Variants in KDM7A observed in about 807,000 individuals in gnomAD.
The protein encoded by KDM7A is lysine-specific demethylase 7A.
KDM7A carries 28 observed loss-of-function variants against 114.8 expected under a neutral mutation model. That is an observed-to-expected ratio of 0.24 (90% CI 0.18 to 0.33). KDM7A has a LOEUF of 0.33. KDM7A is among the 10% of genes least tolerant of loss of function. The probability of loss-of-function intolerance (pLI) is 1.00; values close to 1 mark genes in which losing one functional copy is unlikely to be tolerated. For synonymous variants in KDM7A, 423 were observed against 397.8 expected (o/e 1.06, Z -0.75); for missense variants, 942 against 1,142.5 (o/e 0.82, Z 2.53).
chr7:140,142,240 C>G (rs1794291700), intron 1 of KDM7A, among the ~76,000 whole-genome samples: 1 of 150,706 alleles, frequency 6.6e-6, no homozygotes, highest in Non-Finnish European at 1.5e-5. Context: ...CTGTCTTAAT[C>G]AAAACACAAA....
chr7:140,138,215 G>T (rs1370088043), intron 2 of KDM7A, among the ~76,000 whole-genome samples: 1 of 151,992 alleles, frequency 6.6e-6, no homozygotes, highest in East Asian at 1.9e-4. Flanking sequence ...GGTTGAGGCA[G>T]GAGGATCACT....
At chr7:140,094,179 G>T in intron 17 of KDM7A, 41 bp from the exon 18 acceptor site, 1 of 1,194,846 alleles carries the variant, frequency 8.4e-7, no homozygotes, top group Non-Finnish European at 1.3e-6. Context: ...GCACAAACTT[G>T]ATTTGAAATG....
intron 12 of KDM7A, among the ~76,000 whole-genome samples, chr7:140,101,560 A>T (rs957647562): frequency 7.2e-5 from 11 of 151,980 alleles, no homozygotes; most frequent in Middle Eastern, 3.2e-3. Context: ...GGTTTTTTTT[A>T]AATAACGCTT....
intron 6 of KDM7A, among the ~76,000 whole-genome samples, chr7:140,125,803 A>AC (rs1818691710): frequency 6.6e-6 from 1 of 152,124 alleles, no homozygotes; most frequent in South Asian, 2.1e-4. Context: ...TGGAGTGATC[A>AC]CGGCACACTG....
chr7:140,166,263 G>C (rs143693842), intron 1 of KDM7A, among the ~76,000 whole-genome samples: 104 of 151,878 alleles, frequency 6.8e-4, no homozygotes, highest in African/African-American at 2.3e-3. Context: ...GATGCTGAAG[G>C]AGCCTTTGAT....
chr7:140,142,612 A>G (rs1794296309), intron 1 of KDM7A, among the ~76,000 whole-genome samples: 1 of 152,214 alleles, frequency 6.6e-6, no homozygotes, highest in Non-Finnish European at 1.5e-5. Context: ...GCCTGATGAT[A>G]CCATGTGTTG....
chr7:140,096,793 A>G (rs370565286), intron 16 of KDM7A, 30 bp from the exon 17 acceptor site: 9 of 1,600,884 alleles, frequency 5.6e-6, no homozygotes, highest in African/African-American at 1.3e-5. Context: ...AAAACACAAG[A>G]GTCTATTTTT....
chr7:140,172,497 C>G (rs1794656862), intron 1 of KDM7A, among the ~76,000 whole-genome samples: 1 of 151,788 alleles, frequency 6.6e-6, no homozygotes, highest in Admixed American at 6.6e-5. Context: ...ACTAAAAATA[C>G]AAAAAATTAG....
chr7:140,124,653 AC>A lies in KDM7A; in HGVS notation c.1018del (p.Val340Ter). 6.2e-7 allele frequency: 1 copy of A among 1,613,426 alleles called. No individual in the cohort carries two copies. The highest frequency in any genetic ancestry group is 8.5e-7 in the Non-Finnish European group (1 of 1,179,748). On this transcript the variant is annotated frameshift_variant, in exon 7 of 20. Coordinates refer to ENST00000397560, the MANE Select transcript of KDM7A (RefSeq NM_030647.2). The part of the protein sequence containing the change: ...DKVDKCYKCV[V>X]KQGHTLFVPT... The stretch of plus-strand genomic sequence containing the variant: ...AACAAATAAGGTATGTCCCTGCTTT[AC>A]CACACATTTGTAGCATTTATCCACC...
At position 140,090,909 on chromosome 7, in the gene KDM7A, T is replaced by C; in HGVS notation, c.*185A>G. ...CTCCTTCTTCCTCTCCCCCACCAGGTCCAAAATGGTTATTGCTGAGTGGGT... is the reference window on the plus strand; with the variant it reads ...CTCCTTCTTCCTCTCCCCCACCAGGCCCAAAATGGTTATTGCTGAGTGGGT... On this transcript the variant is annotated 3_prime_UTR_variant, in exon 20 of 20. Transcript: ENST00000397560. 1.8e-6 allele frequency: 1 copy of C among 570,102 alleles called. No homozygotes were observed. Among genetic ancestry groups the C allele is most frequent in the Non-Finnish European group, 3.2e-6 (1 of 316,862 alleles). The allele number at this position is 570,102 out of a possible 1,614,324, so 35.3% of individuals were successfully genotyped here. A position where few individuals can be genotyped will look rare whatever the true frequency, so the allele number is the denominator to read the frequency against.
intron 2 of KDM7A, among the ~76,000 whole-genome samples, chr7:140,136,144 A>G (rs1191722204): frequency 6.6e-6 from 1 of 152,204 alleles, no homozygotes; most frequent in African/African-American, 2.4e-5. Flanking sequence ...CAGCTTTGGA[A>G]TTAGACTGCT....
chr7:140,106,561 G>A (rs552466209), intron 11 of KDM7A, among the ~76,000 whole-genome samples: 1 of 152,282 alleles, frequency 6.6e-6, no homozygotes, highest in South Asian at 2.1e-4. Flanking sequence ...AGTCATTCAG[G>A]AGCAGGTTGT....
intron 8 of KDM7A, 59 bp from the exon 9 acceptor site, chr7:140,119,278 G>A: frequency 2.2e-6 from 2 of 902,728 alleles, no homozygotes; most frequent in Non-Finnish European, 3.4e-6. Context: ...TTAGATGAAA[G>A]TAACCAACTG....
In KDM7A at chr7:140,112,472, G is replaced by A. The variant is rs374529891; in HGVS notation, c.1338+1019C>T. Among the ~76,000 whole-genome samples, 136 of 152,124 alleles carry A rather than the reference G, an allele frequency of 8.9e-4. 3 individuals carry two copies. The South Asian group carries it at 0.027, about 30-fold the overall frequency. On this transcript the variant is annotated intron_variant, in intron 10 of 19. Coordinates refer to ENST00000397560, the MANE Select transcript of KDM7A (RefSeq NM_030647.2). ...TAAAACATACAAAAATTAACTAGGC[G>A]TGGTGGTGCGTGCCTGTAGTCCCAA...
In KDM7A at chr7:140,098,995, G is replaced by C; in HGVS notation, c.1802C>G (p.Thr601Arg). Residue 601 changes from threonine (T) to arginine (R), a missense_variant, in exon 14 of 20, where the codon ACA becomes AGA. By Grantham distance (71) the Thr-to-Arg change is moderately conservative. Around this residue, in one of 4 missense-constraint regions of KDM7A, gnomAD observed 512 missense variants for 576.6 expected, o/e 0.89. Transcript: ENST00000397560. ...ATCCTCTTCATTTTCACTATCTGCT[G>C]TATAAAGACTTTGATCTGCAAAGGG... The part of the protein sequence containing the change: ...RQPFADQSLY[T>R]ADSENEEDKR... 1 of 1,612,770 alleles carries C rather than the reference G, an allele frequency of 6.2e-7. No individual in the cohort carries two copies. The highest frequency in any genetic ancestry group is 1.1e-5 in the South Asian group (1 of 91,030).
Position 140,100,038 on chromosome 7 carries a change from G to A in KDM7A, c.1639-15C>T. 6 of 1,613,794 alleles carry A rather than the reference G, an allele frequency of 3.7e-6. No homozygotes were observed. The highest frequency in any genetic ancestry group is 5.1e-6 in the Non-Finnish European group (6 of 1,179,732). ...CTCAAGATGTCCTGAAGGTATAAAT[G>A]CAGAACTTACTTACCATCCACCCTC... On this transcript the variant is annotated splice_polypyrimidine_tract_variant and intron_variant, in intron 12 of 19. Coordinates refer to ENST00000397560, the MANE Select transcript of KDM7A (RefSeq NM_030647.2).
rs189447258 is a variant in KDM7A at position 140,137,814 on chromosome 7, T to C, written c.280+1291A>G. Among the ~76,000 whole-genome samples, 13 of 152,276 alleles carry C rather than the reference T, an allele frequency of 8.5e-5. No homozygotes were observed. The East Asian group carries it at 2.3e-3, about 27-fold the overall frequency. ...ATGAGCAGTCAGTTGCCAGTAAGTC[T>C]CTTTTGAAAAAATAGAACAAAATGT... On this transcript the variant is annotated intron_variant, in intron 2 of 19. Coordinates refer to ENST00000397560, the MANE Select transcript of KDM7A (RefSeq NM_030647.2).
chr7:140,168,854 G>C (rs1794607364), intron 1 of KDM7A, among the ~76,000 whole-genome samples: 1 of 152,188 alleles, frequency 6.6e-6, no homozygotes, highest in Non-Finnish European at 1.5e-5. Flanking sequence ...GATAATGACA[G>C]CTAGGTTTCT....
chr7:140,148,233 A>G (rs890964054), intron 1 of KDM7A, among the ~76,000 whole-genome samples: 48 of 151,884 alleles, frequency 3.2e-4, no homozygotes, highest in South Asian at 6.2e-4. Flanking sequence ...AAAAAAAAAA[A>G]AGAGAGAATT....
Sources: gnomAD v4.1 joint callset for allele counts (sites outside exome capture counted in the v4.1 genomes callset) on GRCh38, gnomAD v4.1.1 for gene constraint, gnomAD v4.1.1 regional missense constraint, MANE v1.5 for transcripts, NCBI Gene and HGNC (gene_info 2026-07-23, HGNC 2026-07-21) for gene names.